The following PIGU variants were observed in gnomAD, a reference collection of about 807,000 sequenced individuals.
PIGU encodes the protein phosphatidylinositol glycan anchor biosynthesis class U.
PIGU carries 24 observed loss-of-function variants against 49.9 expected under a neutral mutation model. The observed-to-expected ratio is 0.48, with a 90% CI of 0.35 to 0.68. The LOEUF is 0.68. PIGU is among the 30% of genes least tolerant of loss of function. PIGU has a pLI of 0.01. For missense variants in PIGU, 490 were observed against 532.6 expected (o/e 0.92, Z 0.79); for synonymous variants, 220 against 205.7 (o/e 1.07, Z -0.59).
At position 34,575,001 on chromosome 20, in the gene PIGU, C is replaced by A. The variant is rs554269106; in HGVS notation, c.1194+103G>T. 6.2e-6 allele frequency: 9 copies of A among 1,459,360 alleles called. No homozygotes were observed. The African/African-American group carries it at 9.8e-5, about 16-fold the overall frequency. The allele number at this position is 1,459,360 out of a possible 1,614,324, so 90.4% of individuals were successfully genotyped here. On this transcript the variant is annotated intron_variant, in intron 11 of 11. Coordinates refer to ENST00000217446, the MANE Select transcript of PIGU (RefSeq NM_080476.5). Reference sequence around the variant, plus strand: ...GAGGGGAGTAACTGTGCCTCCTTCACGTCTGCACCCCCCGGTATGCAGAAT... The same window carrying A: ...GAGGGGAGTAACTGTGCCTCCTTCAAGTCTGCACCCCCCGGTATGCAGAAT...
At position 34,560,880 on chromosome 20, in the gene PIGU, G is replaced by A. The variant is rs1291726852; in HGVS notation, c.1294C>T (p.Leu432Phe). 1.2e-6 allele frequency: 2 copies of A among 1,608,602 alleles called. No homozygotes were observed. The highest frequency in any genetic ancestry group is 8.5e-7 in the Non-Finnish European group (1 of 1,176,334). The change falls in exon 12 of 12, where the codon CTC (leucine) becomes TTC (phenylalanine). Residue 432 changes from leucine to phenylalanine, a missense_variant. Physicochemically the swap from Leu to Phe is conservative, Grantham distance 22 (BLOSUM62 0). Transcript: ENST00000217446. ...GCCAGCCAGGCCTACTTGAGCACGAGCATGGCCTCTGTGCCATCCTTGGCG... is the reference window on the plus strand; with the variant it reads ...GCCAGCCAGGCCTACTTGAGCACGAACATGGCCTCTGTGCCATCCTTGGCG... ...LTAKDGTEAM[L>F]VLK
chr20:34,595,370 A>T (rs1326864169), intron 7 of PIGU, among the ~76,000 whole-genome samples: 1 of 152,210 alleles, frequency 6.6e-6, no homozygotes, highest in African/African-American at 2.4e-5. Flanking sequence ...GAAGTATTAC[A>T]AGTAATCTGG....
chr20:34,563,582 T>A (rs1309816100), intron 11 of PIGU, among the ~76,000 whole-genome samples: 1 of 141,780 alleles, frequency 7.1e-6, no homozygotes, highest in Admixed American at 7.1e-5. Context: ...AAAGCTTCAA[T>A]TAAAACAAAT....
intron 5 of PIGU, among the ~76,000 whole-genome samples, chr20:34,637,081 G>A (rs988204024): frequency 1.3e-5 from 2 of 152,176 alleles, no homozygotes; most frequent in Non-Finnish European, 2.9e-5. Context: ...TTTCTAAATA[G>A]CAGGTGACGT....
At chr20:34,635,464 G>A (rs994669592) in intron 5 of PIGU, among the ~76,000 whole-genome samples, 3 of 152,194 alleles carry the variant, frequency 2.0e-5, no homozygotes, top group Admixed American at 6.5e-5. Flanking sequence ...CCTGAGATGG[G>A]AAGGAATGAA....
chr20:34,592,787 A>C (rs978320772), intron 7 of PIGU, among the ~76,000 whole-genome samples: 27 of 152,176 alleles, frequency 1.8e-4, no homozygotes, highest in African/African-American at 6.5e-4. Context: ...TCTAGGGGTG[A>C]TAACAGTATC....
At chr20:34,602,466 G>T (rs367650299) in intron 7 of PIGU, among the ~76,000 whole-genome samples, 8 of 140,088 alleles carry the variant, frequency 5.7e-5, no homozygotes, top group African/African-American at 2.1e-4. Flanking sequence ...GCGTGGTGGT[G>T]GGTGCCTGTA....
At chr20:34,612,143 G>A (rs1195398401) in intron 7 of PIGU, among the ~76,000 whole-genome samples, 1 of 152,156 alleles carries the variant, frequency 6.6e-6, no homozygotes, top group Non-Finnish European at 1.5e-5. Flanking sequence ...TAAAGAAAAT[G>A]TGGCATATAT....
At chr20:34,615,051 T>G (rs923945675) in intron 7 of PIGU, among the ~76,000 whole-genome samples, 1 of 152,246 alleles carries the variant, frequency 6.6e-6, no homozygotes, top group Non-Finnish European at 1.5e-5. Context: ...ATGGCCATGG[T>G]TCATATCTTA....
At chr20:34,644,359 C>A in intron 3 of PIGU, 133 bp from the exon 4 acceptor site, 1 of 662,932 alleles carries the variant, frequency 1.5e-6, no homozygotes, top group South Asian at 1.9e-5. Flanking sequence ...GGTAGAACTT[C>A]AACCCTCACT....
At chr20:34,564,265 AG>A (rs1568617206) in intron 11 of PIGU, among the ~76,000 whole-genome samples, 1 of 152,230 alleles carries the variant, frequency 6.6e-6, no homozygotes, top group Non-Finnish European at 1.5e-5. Flanking sequence ...GTAAAATATA[AG>A]ATGTTAACAA....
chr20:34,623,650 A>G (rs1985339543), intron 6 of PIGU, among the ~76,000 whole-genome samples: 1 of 152,196 alleles, frequency 6.6e-6, no homozygotes, highest in Admixed American at 6.5e-5. Context: ...ATCTCAATCA[A>G]GCACCATAAA....
intron 4 of PIGU, among the ~76,000 whole-genome samples, chr20:34,640,983 T>C (rs1184163397): frequency 6.6e-6 from 1 of 152,184 alleles, no homozygotes. Flanking sequence ...AACCTCCGCC[T>C]CCCGGGTTCA....
At chr20:34,674,413 C>T (rs57150872) in intron 1 of PIGU, among the ~76,000 whole-genome samples, 3 of 152,094 alleles carry the variant, frequency 2.0e-5, no homozygotes, top group Non-Finnish European at 4.4e-5. Flanking sequence ...AGAGTCAAAC[C>T]TTTTCTGAGA....
chr20:34,674,891 G>T (rs1987445629), intron 1 of PIGU, among the ~76,000 whole-genome samples: 1 of 148,898 alleles, frequency 6.7e-6, no homozygotes. Flanking sequence ...AGGCTGCAGT[G>T]ACCCATTATC....
Position 34,677,069 on chromosome 20 carries a change from A to C in PIGU, c.17T>G (p.Val6Gly). 1 of 1,565,572 alleles carries C rather than the reference A, an allele frequency of 6.4e-7. No individual in the cohort carries two copies. The highest frequency in any genetic ancestry group is 8.7e-7 in the Non-Finnish European group (1 of 1,155,500). The change falls in exon 1 of 12, where the codon GTC becomes GGC. Residue 6 changes from valine to glycine, a missense_variant. Coordinates refer to ENST00000217446, the MANE Select transcript of PIGU (RefSeq NM_080476.5). Reference protein sequence around the residue: MAAPLVLVLVVAVTVR... With the variant: MAAPLGLVLVVAVTVR... ...TGTCACAGCCACCACCAGCACCAGG[A>C]CCAAGGGAGCCGCCATGATAACTGG...
At chr20:34,578,828 C>T (rs1034737611) in intron 10 of PIGU, among the ~76,000 whole-genome samples, 5 of 152,182 alleles carry the variant, frequency 3.3e-5, no homozygotes, top group African/African-American at 1.2e-4. Flanking sequence ...CATCAGAAAG[C>T]GTCAGAGGTG....
intron 11 of PIGU, among the ~76,000 whole-genome samples, chr20:34,563,814 C>A (rs137990995): frequency 2.2e-4 from 33 of 152,268 alleles, no homozygotes; most frequent in African/African-American, 7.9e-4. Context: ...AGTGGAGAGA[C>A]CTGGCCAACA....
At chr20:34,623,498 C>A (rs1014999898) in intron 6 of PIGU, among the ~76,000 whole-genome samples, 2 of 152,118 alleles carry the variant, frequency 1.3e-5, no homozygotes, top group African/African-American at 4.8e-5. Context: ...TTACTGTCCC[C>A]ATTTTACAGA....
Sources: allele counts gnomAD v4.1 joint callset (sites outside exome capture counted in the v4.1 genomes callset), GRCh38; gene constraint gnomAD v4.1.1; transcripts MANE v1.5; gene names NCBI Gene and HGNC (gene_info 2026-07-23, HGNC 2026-07-21).